Variants in TTC28 observed in about 807,000 individuals in gnomAD.
TTC28 encodes the protein tetratricopeptide repeat protein 28.
Under a neutral mutation model 198.0 loss-of-function variants are expected in TTC28, and 61 were observed. The ratio of observed to expected loss-of-function variants is 0.31; its 90% CI spans 0.25 to 0.38. The LOEUF (loss-of-function observed/expected upper bound fraction) is 0.38. TTC28 is among the 10% of genes least tolerant of loss of function. The pLI is 1.00. For synonymous variants in TTC28, 1,171 were observed against 1,297.8 expected (o/e 0.90, Z 2.10); for missense variants, 2,678 against 3,164.0 (o/e 0.85, Z 3.69).
intron 5 of TTC28, among the ~76,000 whole-genome samples, chr22:28,292,880 C>G (rs1190120823): frequency 6.6e-6 from 1 of 152,222 alleles, no homozygotes; most frequent in African/African-American, 2.4e-5. Flanking sequence ...ACCTTGAACC[C>G]TAAGCACAGT....
At chr22:28,479,883 C>A (rs1476587198) in intron 2 of TTC28, among the ~76,000 whole-genome samples, 1 of 152,150 alleles carries the variant, frequency 6.6e-6, no homozygotes, top group Admixed American at 6.5e-5. Context: ...GCTCATTCTT[C>A]CCTTCCCCTG....
At chr22:28,458,742 G>A (rs1332676426) in intron 2 of TTC28, among the ~76,000 whole-genome samples, 4 of 151,776 alleles carry the variant, frequency 2.6e-5, no homozygotes, top group East Asian at 1.9e-4. Flanking sequence ...TTAGCCGGGC[G>A]TGGTGGCGGG....
At chr22:28,648,221 C>CA (rs34510876) in intron 1 of TTC28, among the ~76,000 whole-genome samples, 15,982 of 62,052 alleles carry the variant, frequency 0.26, 1,916 homozygotes, top group African/African-American at 0.35. Context: ...GAGACTCTGT[C>CA]AAAAAAAAAA....
Position 28,289,219 on chromosome 22 carries a change from C to T in TTC28, c.933+6979G>A, listed in dbSNP as rs563931076. 1.2e-4 allele frequency among the ~76,000 whole-genome samples: 18 copies of T among 152,222 alleles called. No homozygotes were observed. The South Asian group carries it at 2.5e-3, about 21-fold the overall frequency. On this transcript the variant is annotated intron_variant, in intron 5 of 22. Coordinates refer to ENST00000397906, the MANE Select transcript of TTC28 (RefSeq NM_001145418.2). ...CAGAAATAGGCACAGATTGAGGGCT[C>T]AGTCAACAGAGTTGAAGGTATGTAT...
Position 28,014,963 on chromosome 22 carries a change from G to A in TTC28, c.4074-571C>T, listed in dbSNP as rs115731513. Among the ~76,000 whole-genome samples the A allele has an allele frequency of 5.8e-3, 888 of 152,330 alleles. 9 individuals carry two copies. The highest frequency in any genetic ancestry group is 0.021 in the African/African-American group (861 of 41,576). ...CCAGGCAGCAGCTGCAGAGTGGGTC[G>A]GTTTGAGTATGGCTGTATAGTTTTG... On this transcript the variant is annotated intron_variant, in intron 13 of 22. Transcript: ENST00000397906.
Position 27,999,107 on chromosome 22 carries a change from G to A in TTC28, c.4552C>T (p.Leu1518=), listed in dbSNP as rs977181439. The A allele has an allele frequency of 2.1e-5, 33 of 1,550,424 alleles. No individual in the cohort carries two copies. Among genetic ancestry groups the A allele is most frequent in the Non-Finnish European group, 2.6e-5 (30 of 1,147,006 alleles). Residue 1518 remains leucine, a synonymous_variant, in exon 16 of 23, where the codon CTG becomes TTG. Coordinates refer to ENST00000397906, the MANE Select transcript of TTC28 (RefSeq NM_001145418.2). ...CTGCCCACTAGGGGCTGGCAGCCCA[G>A]CAGCTCGGACACCATGTAGGCCTCT... ...EEEAYMVSEL[L]GCQPLVGSVA... is the part of the protein sequence containing the mutation.
At chr22:28,323,380 C>A (rs1215837621) in intron 2 of TTC28, among the ~76,000 whole-genome samples, 1 of 151,936 alleles carries the variant, frequency 6.6e-6, no homozygotes, top group Non-Finnish European at 1.5e-5. Flanking sequence ...CAAGATAACA[C>A]AAAAAACTAT....
At chr22:28,523,796 G>A (rs61409135) in intron 2 of TTC28, among the ~76,000 whole-genome samples, 112 of 152,218 alleles carry the variant, frequency 7.4e-4, no homozygotes, top group Middle Eastern at 3.4e-3. Flanking sequence ...AAATCCCATA[G>A]AAAACAGGTA....
chr22:28,328,457 AAAAT>A (rs1440540075), intron 2 of TTC28, among the ~76,000 whole-genome samples: 1 of 151,968 alleles, frequency 6.6e-6, no homozygotes, highest in Non-Finnish European at 1.5e-5. Flanking sequence ...AAAATATATA[AAAAT>A]AAATAAATAG....
intron 2 of TTC28, among the ~76,000 whole-genome samples, chr22:28,564,151 C>T (rs1047873055): frequency 6.6e-6 from 1 of 152,036 alleles, no homozygotes; most frequent in African/African-American, 2.4e-5. Context: ...GGAGCAAATG[C>T]TTAATGCATA....
intron 5 of TTC28, among the ~76,000 whole-genome samples, chr22:28,239,491 A>G (rs1929504315): frequency 6.6e-6 from 1 of 152,214 alleles, no homozygotes; most frequent in Admixed American, 6.5e-5. Context: ...AGAAGCAAGC[A>G]ACTACAGACA....
chr22:28,093,211 A>G (rs1268754771), intron 12 of TTC28, among the ~76,000 whole-genome samples: 1 of 152,250 alleles, frequency 6.6e-6, no homozygotes, highest in Non-Finnish European at 1.5e-5. Flanking sequence ...CCCAAAGATC[A>G]GTCCAGCTGC....
chr22:28,388,928 G>A (rs929731984), intron 2 of TTC28, among the ~76,000 whole-genome samples: 18 of 152,138 alleles, frequency 1.2e-4, no homozygotes, highest in Non-Finnish European at 2.2e-4. Flanking sequence ...CCAGTTTTCA[G>A]TGGGAATGCT....
intron 5 of TTC28, among the ~76,000 whole-genome samples, chr22:28,202,181 C>T (rs1926014016): frequency 6.6e-6 from 1 of 152,024 alleles, no homozygotes; most frequent in African/African-American, 2.4e-5. Flanking sequence ...TTCAAAATAT[C>T]GTACTGCGTT....
At chr22:28,492,390 G>A (rs1341197114) in intron 2 of TTC28, among the ~76,000 whole-genome samples, 1 of 152,104 alleles carries the variant, frequency 6.6e-6, no homozygotes, top group Non-Finnish European at 1.5e-5. Flanking sequence ...GTTAGTTAAT[G>A]AATGGATGCC....
At chr22:28,294,485 C>G (rs1327215033) in intron 5 of TTC28, among the ~76,000 whole-genome samples, 1 of 150,358 alleles carries the variant, frequency 6.7e-6, no homozygotes, top group Non-Finnish European at 1.5e-5. Flanking sequence ...TCTTAAAAGT[C>G]TTTCTACCCT....
intron 2 of TTC28, among the ~76,000 whole-genome samples, chr22:28,361,671 C>T (rs2046161359): frequency 6.6e-6 from 1 of 152,192 alleles, no homozygotes; most frequent in Non-Finnish European, 1.5e-5. Context: ...AATAGATTTT[C>T]AATTTAAGTG....
chr22:28,289,756 T>G (rs1223664792), intron 5 of TTC28, among the ~76,000 whole-genome samples: 2 of 152,230 alleles, frequency 1.3e-5, no homozygotes, highest in East Asian at 3.9e-4. Context: ...GCAAGCACAG[T>G]GGCTCATGCC....
intron 5 of TTC28, among the ~76,000 whole-genome samples, chr22:28,182,348 T>C (rs1390817907): frequency 2.0e-5 from 3 of 152,036 alleles, no homozygotes; most frequent in South Asian, 4.2e-4. Flanking sequence ...CTGTAGGGGG[T>C]TGGAATGTAG....
Sources: gnomAD v4.1 joint callset for allele counts (sites outside exome capture counted in the v4.1 genomes callset) on GRCh38, gnomAD v4.1.1 for gene constraint, MANE v1.5 for transcripts, NCBI Gene and HGNC (gene_info 2026-07-23, HGNC 2026-07-21) for gene names.